The following FIRRM variants were observed in gnomAD, a reference collection of about 807,000 sequenced individuals.
FIRRM encodes FIGNL1 interacting regulator of recombination and mitosis.
At chr1:169,842,735 T>G in the FIRRM span, among the ~76,000 whole-genome samples, 1 of 152,298 alleles carries the variant, frequency 6.6e-6, no homozygotes, top group South Asian at 2.1e-4. Context: ...ATTAGTAAAA[T>G]CAGAATACGT....
chr1:169,803,022 T>A, the FIRRM span: 1 of 716,338 alleles, frequency 1.4e-6, no homozygotes, highest in Non-Finnish European at 2.3e-6. Context: ...TTCCAGTATT[T>A]GTAGTTCTGA....
the FIRRM span, among the ~76,000 whole-genome samples, chr1:169,835,848 T>G: frequency 6.6e-6 from 1 of 152,340 alleles, no homozygotes; most frequent in East Asian, 1.9e-4. Context: ...TTGGCTTTCC[T>G]GATGTAGTTT....
chr1:169,829,422 C>T, the FIRRM span: 3 of 1,612,616 alleles, frequency 1.9e-6, no homozygotes, highest in Admixed American at 3.3e-5. Flanking sequence ...TTATTACTTC[C>T]TTTCATCCCT....
At chr1:169,808,028 TTTTAA>T in the FIRRM span, 1 of 1,133,654 alleles carries the variant, frequency 8.8e-7, no homozygotes, top group Admixed American at 2.7e-5. Context: ...TTTAAGAGGA[TTTTAA>T]TTTATTTCAT....
the FIRRM span, among the ~76,000 whole-genome samples, chr1:169,812,143 G>A: frequency 1.3e-5 from 2 of 152,214 alleles, no homozygotes; most frequent in Admixed American, 6.5e-5. Context: ...TTAATTAGTA[G>A]TATGCTATTT....
At chr1:169,823,749 A>G in the FIRRM span, among the ~76,000 whole-genome samples, 1,499 of 142,242 alleles carry the variant, frequency 0.011, 11 homozygotes, top group Non-Finnish European at 0.017. Flanking sequence ...ATACACAAAT[A>G]TACGTATACC....
At chr1:169,790,786 A>T in the FIRRM span, among the ~76,000 whole-genome samples, 1 of 152,152 alleles carries the variant, frequency 6.6e-6, no homozygotes, top group Non-Finnish European at 1.5e-5. Flanking sequence ...TGTCAAGGCC[A>T]ATTTGTTCTA....
chr1:169,796,782 TAACTACAC>T, the FIRRM span, among the ~76,000 whole-genome samples: 1 of 152,212 alleles, frequency 6.6e-6, no homozygotes, highest in Non-Finnish European at 1.5e-5. Context: ...CCTAGTTAAT[TAACTACAC>T]TCTGTTCATG....
chr1:169,829,456 A>G, the FIRRM span: 1 of 1,605,000 alleles, frequency 6.2e-7, no homozygotes, highest in African/African-American at 1.3e-5. Context: ...ACTGGTAAGC[A>G]TATTACTTAC....
the FIRRM span, among the ~76,000 whole-genome samples, chr1:169,834,747 C>T: frequency 8.6e-5 from 13 of 151,912 alleles, no homozygotes; most frequent in South Asian, 2.1e-4. Context: ...CAAGTCCAGC[C>T]GGACAACATA....
the FIRRM span, chr1:169,795,485 C>T: frequency 7.4e-4 from 918 of 1,237,132 alleles, 11 homozygotes; most frequent in African/African-American, 0.012. Context: ...TTCTTCCATT[C>T]CTTCTTTCAG....
the FIRRM span, chr1:169,821,635 C>G: frequency 7.2e-7 from 1 of 1,380,800 alleles, no homozygotes; most frequent in South Asian, 1.4e-5. Flanking sequence ...ATTTTATATT[C>G]TTTTCTTATT....
the FIRRM span, among the ~76,000 whole-genome samples, chr1:169,814,729 T>C: frequency 2.6e-5 from 4 of 152,206 alleles, no homozygotes; most frequent in Non-Finnish European, 5.9e-5. Flanking sequence ...AAATAGACAG[T>C]GTTAATACAT....
chr1:169,844,727 CTAATATTTTTAGAAAAAATACAATAATTT>C, the FIRRM span, among the ~76,000 whole-genome samples: 1 of 152,134 alleles, frequency 6.6e-6, no homozygotes, highest in East Asian at 1.9e-4. Flanking sequence ...TCTGAAAGCT[CTAATATTTTTAGAAAAAATACAATAATTT>C]TGATATAATG....
At chr1:169,802,258 T>G in the FIRRM span, among the ~76,000 whole-genome samples, 3 of 152,200 alleles carry the variant, frequency 2.0e-5, no homozygotes, top group African/African-American at 7.2e-5. Flanking sequence ...TGTAAATGAC[T>G]GTATGAATGT....
the FIRRM span, among the ~76,000 whole-genome samples, chr1:169,808,513 T>C: frequency 6.6e-6 from 1 of 152,174 alleles, no homozygotes; most frequent in Non-Finnish European, 1.5e-5. Flanking sequence ...ACATAGTACC[T>C]TTTGCTTTCA....
At chr1:169,839,448 G>A in the FIRRM span, among the ~76,000 whole-genome samples, 2 of 151,998 alleles carry the variant, frequency 1.3e-5, no homozygotes, top group African/African-American at 2.4e-5. Flanking sequence ...TTTTAATAAC[G>A]GCCATTGTGA....
At chr1:169,807,812 C>T in the FIRRM span, 1 of 1,600,860 alleles carries the variant, frequency 6.2e-7, no homozygotes, top group South Asian at 1.1e-5. Flanking sequence ...AGCACCAGTC[C>T]ATAATAAAAA....
chr1:169,793,385 G>T, the FIRRM span: 1 of 1,614,198 alleles, frequency 6.2e-7, no homozygotes, highest in Admixed American at 1.7e-5. Flanking sequence ...TTTAGGCATA[G>T]CATGCTCTTT....
Sources: allele counts gnomAD v4.1 joint callset (sites outside exome capture counted in the v4.1 genomes callset), GRCh38; gene constraint gnomAD v4.1.1; transcripts MANE v1.5; gene names NCBI Gene and HGNC (gene_info 2026-07-23, HGNC 2026-07-21).